RPL26L1: variants seen among roughly 807,000 people sequenced by gnomAD.
RPL26L1 encodes ribosomal protein L26 like 1.
In RPL26L1, 8 loss-of-function variants were observed where a neutral mutation model predicts 15.2. The ratio of observed to expected loss-of-function variants is 0.53; its 90% CI spans 0.31 to 0.95. The LOEUF (loss-of-function observed/expected upper bound fraction) is 0.95, where lower values mean the gene tolerates loss of function less well. RPL26L1 is among the 40% of genes least tolerant of loss of function. RPL26L1 has a pLI of 0.05. For synonymous variants in RPL26L1, 51 were observed against 65.9 expected (o/e 0.77, Z 1.09); for missense variants, 146 against 190.9 (o/e 0.76, Z 1.39).
chr5:172,956,385 G>A (rs1407804749), upstream of RPL26L1, among the ~76,000 whole-genome samples: 1 of 151,998 alleles, frequency 6.6e-6, no homozygotes, highest in Non-Finnish European at 1.5e-5. Flanking sequence ...ACCATATTGA[G>A]CATCTAATGG....
At chr5:172,968,728 T>C in intron 3 of RPL26L1, 129 bp downstream of exon 3, 1 of 951,032 alleles carries the variant, frequency 1.1e-6, no homozygotes, top group Non-Finnish European at 1.6e-6. Flanking sequence ...ATTCAGTAGC[T>C]TTGTGATATC....
chr5:172,960,877 T>A (rs1045543408), intron 2 of RPL26L1, among the ~76,000 whole-genome samples: 1 of 130,626 alleles, frequency 7.7e-6, no homozygotes, highest in African/African-American at 2.9e-5. Flanking sequence ...TAGCCTCAGC[T>A]CTATTGATAT....
chr5:172,962,450 A>G (rs1287466084), intron 2 of RPL26L1, among the ~76,000 whole-genome samples: 5 of 151,950 alleles, frequency 3.3e-5, no homozygotes, highest in Non-Finnish European at 7.4e-5. Flanking sequence ...GGAGGTTGCA[A>G]TGAACCGAGA....
In RPL26L1 at chr5:172,959,896, C is replaced by T; in HGVS notation, c.23C>T (p.Thr8Ile). 6.2e-7 allele frequency: 1 copy of T among 1,614,192 alleles called. No individual in the cohort carries two copies. ...ACCATGAAGTTCAATCCCTTCGTTA[C>T]CTCGGACCGCAGTAAAAACCGCAAA... MKFNPFV[T>I]SDRSKNRKRH... The change falls in exon 2 of 4, where the codon ACC (threonine) becomes ATC (isoleucine). Residue 8 changes from threonine (T) to isoleucine (I), a missense_variant. By Grantham distance (89) the Thr-to-Ile change is moderately conservative (BLOSUM62 -1). Transcript: ENST00000265100.
At chr5:172,959,786 G>A in intron 1 of RPL26L1, 79 bp from the exon 2 acceptor site, 1 of 1,467,660 alleles carries the variant, frequency 6.8e-7, no homozygotes, top group East Asian at 2.3e-5. Flanking sequence ...GTTGGGGGAT[G>A]AGGAGTGTCT....
chr5:172,955,258 A>C, upstream of RPL26L1: 1 of 318,386 alleles, frequency 3.1e-6, no homozygotes, highest in Non-Finnish European at 6.1e-6. Context: ...CCTCCTGAGT[A>C]GCTGAGATTA....
chr5:172,960,539 G>A (rs1479891197), intron 2 of RPL26L1, among the ~76,000 whole-genome samples: 2 of 152,164 alleles, frequency 1.3e-5, no homozygotes, highest in African/African-American at 2.4e-5. Flanking sequence ...GTGTATTTGG[G>A]TGTAGTGGGA....
chr5:172,966,226 C>T (rs777500649), intron 2 of RPL26L1, among the ~76,000 whole-genome samples: 5 of 151,620 alleles, frequency 3.3e-5, no homozygotes, highest in Non-Finnish European at 5.9e-5. Flanking sequence ...TTGCTGCAGA[C>T]TCAACCTCCT....
chr5:172,958,195 C>T (rs1202513344), upstream of RPL26L1: 2 of 357,460 alleles, frequency 5.6e-6, no homozygotes, highest in South Asian at 4.0e-5. Context: ...ACTTGGGAGG[C>T]GGAGGTTGCG....
In RPL26L1 at chr5:172,969,495, A is replaced by G. The variant is rs772884989; in HGVS notation, c.392A>G (p.Glu131Gly). The change falls in exon 4 of 4, where the codon GAG becomes GGG. Residue 131 changes from glutamate to glycine, a missense_variant. By Grantham distance (98) the Glu-to-Gly change is moderately conservative. Transcript: ENST00000265100. ...RKAKSRQVGK[E>G]KGKYKEELIE... ...GCCAAGTCTCGACAAGTTGGAAAAG[A>G]GAAAGGCAAATATAAAGAAGAACTT... 13 of 1,613,760 alleles carry G rather than the reference A, an allele frequency of 8.1e-6. No homozygotes were observed. The highest frequency in any genetic ancestry group is 1.1e-5 in the South Asian group (1 of 91,080).
In RPL26L1 at chr5:172,961,669, C is replaced by T. The variant is rs1755238510; in HGVS notation, c.168+1628C>T. On this transcript the variant is annotated intron_variant, in intron 2 of 3. Transcript: ENST00000265100. The stretch of plus-strand genomic sequence containing the variant: ...TAGATCACTAATAATCCCTTCGTGA[C>T]TGAATCCAGTGGACACATCTAGCAT... Among the ~76,000 whole-genome samples the T allele has an allele frequency of 3.9e-5, 6 of 152,248 alleles. No homozygotes were observed. The South Asian group carries it at 1.2e-3, about 31-fold the overall frequency.
chr5:172,960,157 ATG>A, intron 2 of RPL26L1, 116 bp downstream of exon 2: 1 of 1,242,014 alleles, frequency 8.1e-7, no homozygotes, highest in Non-Finnish European at 1.2e-6. Context: ...GACCCTTCAG[ATG>A]TGTTAGGCCA....
intron 3 of RPL26L1, among the ~76,000 whole-genome samples, chr5:172,968,803 C>CTTTTTTTTTTTTTTTTTTTTTTTT (rs539398008): frequency 1.3e-5 from 1 of 74,366 alleles, no homozygotes; most frequent in Non-Finnish European, 2.3e-5. Context: ...ATGGCTGTGT[C>CTTTTTTTTTTTTTTTTTTTTTTTT]TTTTTTTTTT....
chr5:172,962,009 G>GTCT (rs1410508196), intron 2 of RPL26L1, among the ~76,000 whole-genome samples: 1 of 152,122 alleles, frequency 6.6e-6, no homozygotes, highest in Non-Finnish European at 1.5e-5. Flanking sequence ...TATCTCCCCA[G>GTCT]CTGCATATGC....
chr5:172,964,634 A>G (rs1263038264), intron 2 of RPL26L1, among the ~76,000 whole-genome samples: 1 of 152,198 alleles, frequency 6.6e-6, no homozygotes, highest in Non-Finnish European at 1.5e-5. Flanking sequence ...TGTTTCAGCC[A>G]AAGGCCATGC....
chr5:172,968,089 A>T (rs767445308), intron 2 of RPL26L1, among the ~76,000 whole-genome samples: 1 of 152,114 alleles, frequency 6.6e-6, no homozygotes, highest in Non-Finnish European at 1.5e-5. Context: ...TTAGCTAGTA[A>T]TGCAGATATT....
At position 172,966,313 on chromosome 5, in the gene RPL26L1, A is replaced by ATTTTTTTTT. The variant is rs386405707; in HGVS notation, c.169-2125_169-2117dup. On this transcript the variant is annotated intron_variant, in intron 2 of 3. Transcript: ENST00000265100. ...CGCATGCCACCATGTCTGGCTAACT[A>ATTTTTTTTT]TTTTTTTTTTTTTTTTTTTTTTTTT... Among the ~76,000 whole-genome samples the ATTTTTTTTT allele has an allele frequency of 4.7e-4, 30 of 63,658 alleles. 2 individuals are homozygous for ATTTTTTTTT. The highest frequency in any genetic ancestry group is 9.1e-4 in the African/African-American group (14 of 15,436). The allele number at this position is 63,658 out of a possible 152,430, so 41.8% of individuals were successfully genotyped here. A position where few individuals can be genotyped will look rare whatever the true frequency, so the allele number is the denominator to read the frequency against.
chr5:172,968,768 C>G (rs1355550341), intron 3 of RPL26L1, among the ~76,000 whole-genome samples, 169 bp downstream of exon 3: 1 of 126,210 alleles, frequency 7.9e-6, no homozygotes, highest in Admixed American at 8.0e-5. Context: ...CTTCTCTTCT[C>G]TTTTCTGTTT....
chr5:172,965,354 A>G (rs1357688447), intron 2 of RPL26L1, among the ~76,000 whole-genome samples: 3 of 152,094 alleles, frequency 2.0e-5, no homozygotes, highest in East Asian at 1.9e-4. Context: ...TTTAAACACA[A>G]TCATGTTTTC....
Sources: gnomAD v4.1 joint callset for allele counts (sites outside exome capture counted in the v4.1 genomes callset) on GRCh38, gnomAD v4.1.1 for gene constraint, MANE v1.5 for transcripts, NCBI Gene and HGNC (gene_info 2026-07-23, HGNC 2026-07-21) for gene names.